MYT1L: variants seen among roughly 807,000 people sequenced by gnomAD.
MYT1L encodes the protein myelin transcription factor 1-like protein.
In MYT1L, 12 loss-of-function variants were observed where a neutral mutation model predicts 126.7. The ratio of observed to expected loss-of-function variants is 0.09; its 90% CI spans 0.06 to 0.15. The LOEUF is 0.15. Ranked by LOEUF, MYT1L falls within the 10% of genes least tolerant of loss-of-function variation. The probability of loss-of-function intolerance (pLI) is 1.00; values close to 1 mark genes in which losing one functional copy is unlikely to be tolerated. For synonymous variants in MYT1L, 541 were observed against 604.2 expected (o/e 0.90, Z 1.53); for missense variants, 979 against 1,585.2 (o/e 0.62, Z 6.49).
intron 5 of MYT1L, among the ~76,000 whole-genome samples, chr2:1,994,088 T>G (rs563711070): frequency 2.6e-5 from 4 of 152,374 alleles, no homozygotes; most frequent in Non-Finnish European, 4.4e-5. Context: ...ATTTTGCTCA[T>G]GGTATTTTTT....
At chr2:2,060,857 T>C (rs2070357372) in intron 3 of MYT1L, among the ~76,000 whole-genome samples, 1 of 151,024 alleles carries the variant, frequency 6.6e-6, no homozygotes, top group Admixed American at 6.6e-5. Flanking sequence ...TCTCTCTCTC[T>C]CCTTCCTTTT....
intron 1 of MYT1L, among the ~76,000 whole-genome samples, chr2:2,317,197 A>C (rs2096079988): frequency 6.6e-6 from 1 of 152,150 alleles, no homozygotes; most frequent in Non-Finnish European, 1.5e-5. Flanking sequence ...TGGTAGTCCC[A>C]GATTAGACTC....
At chr2:2,290,371 C>T (rs1483719030) in intron 1 of MYT1L, among the ~76,000 whole-genome samples, 4 of 152,158 alleles carry the variant, frequency 2.6e-5, no homozygotes, top group Non-Finnish European at 2.9e-5. Flanking sequence ...AGTCTGAAGT[C>T]GCTGGATGAC....
Position 1,943,016 on chromosome 2 carries a change from CTCCTCT to C in MYT1L, c.465_470del (p.Glu166_Glu167del), listed in dbSNP as rs751219869. On this transcript the variant is annotated inframe_deletion, in exon 9 of 25. Coordinates refer to ENST00000647738, the MANE Select transcript of MYT1L (RefSeq NM_001303052.2). This position sits in a 1 kb window ranked among gnomAD's most constrained non-coding sequence, Gnocchi z 4.4. ...CTTCCTCTTCCTCCTCCTCCTCCTC[CTCCTCT>C]TCCTCTTCTTCATCCTCCACATCTT... 61 of 1,498,640 alleles carry C rather than the reference CTCCTCT, an allele frequency of 4.1e-5. No individual in the cohort carries two copies. In the East Asian group the frequency reaches 1.1e-3, roughly 28 times the overall value. 92.8% of individuals were successfully genotyped at this position (1,498,640 alleles called of 1,614,324 possible).
At chr2:2,274,758 T>C (rs557038979) in intron 2 of MYT1L, among the ~76,000 whole-genome samples, 19 of 152,326 alleles carry the variant, frequency 1.2e-4, no homozygotes, top group African/African-American at 4.1e-4. Flanking sequence ...TGTCTCCTTA[T>C]GCTCATAGTC....
chr2:2,128,768 C>T (rs1204106572), intron 3 of MYT1L, among the ~76,000 whole-genome samples: 1 of 152,054 alleles, frequency 6.6e-6, no homozygotes, highest in Non-Finnish European at 1.5e-5. Flanking sequence ...CAGCATAGGT[C>T]ATATTAAATG....
intron 1 of MYT1L, among the ~76,000 whole-genome samples, chr2:2,322,334 A>G (rs532630447): frequency 6.6e-6 from 1 of 152,188 alleles, no homozygotes; most frequent in South Asian, 2.1e-4. Context: ...TCTTGGAATC[A>G]CAACAATTGA....
At chr2:2,070,694 TTATAA>T (rs2074497560) in intron 3 of MYT1L, among the ~76,000 whole-genome samples, 2 of 152,200 alleles carry the variant, frequency 1.3e-5, no homozygotes, top group Non-Finnish European at 2.9e-5. Flanking sequence ...GCAACATCAG[TTATAA>T]TAATTTATTC....
At chr2:2,045,568 ATATTT>A (rs1350624897) in intron 4 of MYT1L, among the ~76,000 whole-genome samples, 2 of 152,200 alleles carry the variant, frequency 1.3e-5, no homozygotes, top group Non-Finnish European at 2.9e-5. Context: ...CACCCCTCTC[ATATTT>A]TATTTATTTT....
At chr2:1,829,303 T>G (rs545156185) in intron 21 of MYT1L, among the ~76,000 whole-genome samples, 2 of 145,862 alleles carry the variant, frequency 1.4e-5, no homozygotes, top group South Asian at 4.6e-4. Context: ...GAACTGACCC[T>G]CCCATACACC....
At chr2:1,989,210 C>T (rs1204316681) in intron 5 of MYT1L, among the ~76,000 whole-genome samples, 1 of 152,168 alleles carries the variant, frequency 6.6e-6, no homozygotes, top group Non-Finnish European at 1.5e-5. Context: ...GGACTCTTCA[C>T]AGTCTCCTTT....
At chr2:2,173,766 G>C (rs2090379362) in intron 2 of MYT1L, among the ~76,000 whole-genome samples, 2 of 152,176 alleles carry the variant, frequency 1.3e-5, no homozygotes, top group Admixed American at 1.3e-4. Context: ...GTGCGTCTAT[G>C]GCAATAACAG....
At chr2:2,144,290 G>A (rs977528320) in intron 3 of MYT1L, among the ~76,000 whole-genome samples, 16 of 152,084 alleles carry the variant, frequency 1.1e-4, no homozygotes, top group Middle Eastern at 3.4e-3. Context: ...CCACCCCCAC[G>A]CCTGGGCCAC....
At chr2:2,168,534 A>T (rs552905495) in intron 3 of MYT1L, among the ~76,000 whole-genome samples, 1 of 152,304 alleles carries the variant, frequency 6.6e-6, no homozygotes, top group Admixed American at 6.5e-5. Flanking sequence ...TAACGCACTC[A>T]TCCATTGCTG....
intron 3 of MYT1L, among the ~76,000 whole-genome samples, chr2:2,080,898 G>A (rs927275981): frequency 1.3e-5 from 2 of 152,094 alleles, no homozygotes; most frequent in Non-Finnish European, 2.9e-5. Context: ...GAAAGAAGCC[G>A]GTATCAACAA....
chr2:1,792,504 G>A, intron 23 of MYT1L, 40 bp from the exon 24 acceptor site: 1 of 1,589,298 alleles, frequency 6.3e-7, no homozygotes, highest in African/African-American at 1.3e-5. Context: ...ACACCAGGAG[G>A]ACCTAGGAGC....
intron 9 of MYT1L, among the ~76,000 whole-genome samples, chr2:1,940,908 T>G (rs1244296242): frequency 6.6e-6 from 1 of 152,248 alleles, no homozygotes; most frequent in African/African-American, 2.4e-5. Flanking sequence ...TCCTGGGTCC[T>G]GAGGCACGAT....
intron 2 of MYT1L, among the ~76,000 whole-genome samples, chr2:2,222,617 G>C (rs891052378): frequency 6.6e-6 from 1 of 152,036 alleles, no homozygotes; most frequent in Non-Finnish European, 1.5e-5. Context: ...GATGTTGCCT[G>C]GTTCCTTTTT....
At chr2:2,126,053 TCCAGGCC>T in intron 3 of MYT1L, among the ~76,000 whole-genome samples, 1 of 152,326 alleles carries the variant, frequency 6.6e-6, no homozygotes, top group East Asian at 1.9e-4. Context: ...TAACCCAGGC[TCCAGGCC>T]TTGCATTTGG....
Sources: allele counts gnomAD v4.1 joint callset (sites outside exome capture counted in the v4.1 genomes callset), GRCh38; gene constraint gnomAD v4.1.1; non-coding constraint Gnocchi (gnomAD v3.1); transcripts MANE v1.5; gene names NCBI Gene and HGNC (gene_info 2026-07-23, HGNC 2026-07-21).